MAP7: variants seen among roughly 807,000 people sequenced by gnomAD.
MAP7 encodes ensconsin.
In MAP7, 52 loss-of-function variants were observed where a neutral mutation model predicts 94.8. The observed-to-expected ratio is 0.55, with a 90% CI of 0.44 to 0.69. The LOEUF is 0.69. MAP7 is among the 30% of genes least tolerant of loss of function. The pLI is 0.00. For missense variants in MAP7, 940 were observed against 964.6 expected, an observed-to-expected ratio of 0.97 and a Z score of 0.34; for synonymous variants, 350 against 357.0, an observed-to-expected ratio of 0.98 and a Z score of 0.22.
intron 17 of MAP7, 127 bp downstream of exon 17, chr6:136,345,729 T>C (rs1787496318): frequency 3.6e-6 from 3 of 822,778 alleles, no homozygotes; most frequent in Non-Finnish European, 6.3e-6. Context: ...TCTCTTCCAC[T>C]GTGGCTTACT....
intron 6 of MAP7, among the ~76,000 whole-genome samples, chr6:136,381,618 A>G (rs1167344364): frequency 6.6e-6 from 1 of 152,064 alleles, no homozygotes; most frequent in Non-Finnish European, 1.5e-5. Context: ...TAGACAATAT[A>G]TGGGAGCCCC....
intron 1 of MAP7, among the ~76,000 whole-genome samples, chr6:136,429,911 C>T (rs563523703): frequency 6.6e-5 from 10 of 152,214 alleles, no homozygotes; most frequent in African/African-American, 2.4e-4. Flanking sequence ...GGTGACTTAC[C>T]ACCAGTCACA....
rs556988778 is a variant in MAP7 at position 136,354,341 on chromosome 6, C to T, written c.2015+2351G>A. 5.0e-4 allele frequency among the ~76,000 whole-genome samples: 69 copies of T among 137,444 alleles called. 1 individual carries two copies. The South Asian group carries it at 8.8e-3, about 17-fold the overall frequency. The allele number at this position is 137,444 out of a possible 152,430, so 90.2% of individuals were successfully genotyped here. A position where few individuals can be genotyped will look rare whatever the true frequency, so the allele number is the denominator to read the frequency against. ...TTAAATTCCTATAAATATATATTTC[C>T]TTTAAAGGAAATATATATATAGTAG... On this transcript the variant is annotated intron_variant, in intron 16 of 17. Transcript: ENST00000354570.
chr6:136,525,828 A>ATACC, intron 1 of MAP7: 1 of 1,534,378 alleles, frequency 6.5e-7, no homozygotes, highest in Non-Finnish European at 8.7e-7. Context: ...GAGCTAATGC[A>ATACC]TACCTTTTGG....
At chr6:136,497,510 CT>C (rs1286841692) in intron 1 of MAP7, among the ~76,000 whole-genome samples, 4 of 148,742 alleles carry the variant, frequency 2.7e-5, no homozygotes, top group African/African-American at 1.0e-4. Context: ...TACCCCATGT[CT>C]ATGTCATCTT....
chr6:136,391,555 A>AAC lies in MAP7; in HGVS notation c.245-2039_245-2038insGT, dbSNP rs1554241527. On this transcript the variant is annotated intron_variant, in intron 3 of 17. Transcript: ENST00000354570. Reference sequence around the variant, plus strand: ...ACCCTAAAACTTAGAGTATAATAAAAAACAACAACAACAACAACAACAACA... The same window carrying AAC: ...ACCCTAAAACTTAGAGTATAATAAAAACAACAACAACAACAACAACAACAACA... Among the ~76,000 whole-genome samples, 607 of 149,748 alleles carry AAC rather than the reference A, an allele frequency of 4.1e-3. 5 individuals carry two copies. Among genetic ancestry groups the AAC allele is most frequent in the Non-Finnish European group, 5.1e-3 (346 of 67,326 alleles).
chr6:136,538,735 G>A (rs1289293880), intron 1 of MAP7, among the ~76,000 whole-genome samples: 1 of 147,176 alleles, frequency 6.8e-6, no homozygotes, highest in East Asian at 2.0e-4. Context: ...AAGCTGCAGT[G>A]AGCCATGATG....
intron 10 of MAP7, chr6:136,364,267 C>A: frequency 3.7e-6 from 2 of 540,528 alleles, no homozygotes; most frequent in Non-Finnish European, 7.4e-6. Context: ...CCTTTTTGGA[C>A]TGGCTTGTTT....
chr6:136,533,208 G>T (rs1461387359), intron 1 of MAP7, among the ~76,000 whole-genome samples: 1 of 152,182 alleles, frequency 6.6e-6, no homozygotes, highest in East Asian at 1.9e-4. Flanking sequence ...GGAGGCAGAG[G>T]TTGCAGTCAG....
At chr6:136,364,209 G>C (rs1040324705) in intron 10 of MAP7, 7 of 534,354 alleles carry the variant, frequency 1.3e-5, no homozygotes, top group South Asian at 9.9e-5. Flanking sequence ...GACCGTCAAG[G>C]AGGATAAGAT....
At chr6:136,483,703 C>T (rs181928378) in intron 1 of MAP7, among the ~76,000 whole-genome samples, 1 of 152,180 alleles carries the variant, frequency 6.6e-6, no homozygotes, top group African/African-American at 2.4e-5. Context: ...TAAAAATACA[C>T]TGACGTTTTC....
intron 2 of MAP7, among the ~76,000 whole-genome samples, chr6:136,415,244 C>T (rs1169500519): frequency 6.6e-6 from 1 of 152,228 alleles, no homozygotes; most frequent in African/African-American, 2.4e-5. Context: ...CTGCCGCACC[C>T]AGCCTCATAA....
chr6:136,464,736 C>A (rs1582992815), intron 1 of MAP7, among the ~76,000 whole-genome samples: 1 of 152,198 alleles, frequency 6.6e-6, no homozygotes, highest in African/African-American at 2.4e-5. Flanking sequence ...GTCTCTCCTA[C>A]TTTGCCGTGC....
chr6:136,355,524 T>C (rs1054199006), intron 16 of MAP7, among the ~76,000 whole-genome samples: 13 of 152,188 alleles, frequency 8.5e-5, no homozygotes, highest in Non-Finnish European at 1.9e-4. Context: ...AGTAGGGACT[T>C]ACCTTTTAAC....
Position 136,356,908 on chromosome 6 carries a change from T to C in MAP7, c.1913-114A>G, listed in dbSNP as rs953547183. The C allele has an allele frequency of 7.7e-6, 6 of 782,724 alleles. No homozygotes were observed. The African/African-American group carries it at 8.5e-5, about 11-fold the overall frequency. The allele number at this position is 782,724 out of a possible 1,614,324, so 48.5% of individuals were successfully genotyped here. ...TGCTGGTTCTGCTACTTAAGTGATG[T>C]GAGACCTTGGGCACATCACCTAAAC... On this transcript the variant is annotated intron_variant, in intron 15 of 17. Coordinates refer to ENST00000354570, the MANE Select transcript of MAP7 (RefSeq NM_003980.6).
chr6:136,492,234 A>G (rs1303623583), intron 1 of MAP7, among the ~76,000 whole-genome samples: 2 of 152,242 alleles, frequency 1.3e-5, no homozygotes, highest in African/African-American at 4.8e-5. Flanking sequence ...TATATACTAT[A>G]GGCAGTAAAT....
intron 3 of MAP7, among the ~76,000 whole-genome samples, chr6:136,391,658 A>C (rs1276228241): frequency 8.4e-6 from 1 of 119,512 alleles, no homozygotes; most frequent in Non-Finnish European, 1.7e-5. Flanking sequence ...AAAATAAAAA[A>C]TAAAAACTAT....
intron 1 of MAP7, among the ~76,000 whole-genome samples, chr6:136,528,741 A>G (rs1209671559): frequency 6.6e-6 from 1 of 152,244 alleles, no homozygotes; most frequent in East Asian, 1.9e-4. Flanking sequence ...CTGAGTCAAG[A>G]TGCTCTCATC....
At chr6:136,397,053 T>C (rs1023698123) in intron 3 of MAP7, among the ~76,000 whole-genome samples, 2 of 152,224 alleles carry the variant, frequency 1.3e-5, no homozygotes, top group Admixed American at 6.5e-5. Flanking sequence ...ACTACTACTT[T>C]CTACCAGGAA....
Sources: gnomAD v4.1 joint callset for allele counts (sites outside exome capture counted in the v4.1 genomes callset) on GRCh38, gnomAD v4.1.1 for gene constraint, MANE v1.5 for transcripts, NCBI Gene and HGNC (gene_info 2026-07-23, HGNC 2026-07-21) for gene names.